Variants in PLIN2 observed in about 807,000 individuals in gnomAD.
PLIN2 encodes perilipin 2.
Under a neutral mutation model 30.6 loss-of-function variants are expected in PLIN2, and 33 were observed. The ratio of observed to expected loss-of-function variants is 1.08; its 90% CI spans 0.82 to 1.44. The LOEUF is 1.44. PLIN2 is among the 40% of genes most tolerant of loss of function. The pLI is 0.00. For missense variants in PLIN2, 610 were observed against 531.8 expected, an observed-to-expected ratio of 1.15 and a Z score of -1.45; for synonymous variants, 205 against 201.1, an observed-to-expected ratio of 1.02 and a Z score of -0.16.
In PLIN2 at chr9:19,121,139, C is replaced by G. The variant is rs1315044614; in HGVS notation, c.336G>C (p.Val112=). The G allele has an allele frequency of 1.2e-6, 2 of 1,614,134 alleles. No individual in the cohort carries two copies. Among genetic ancestry groups the G allele is most frequent in the South Asian group, 1.1e-5 (1 of 91,076 alleles). The change falls in exon 5 of 8, where the codon GTG becomes GTC. Residue 112 remains valine, a synonymous_variant. Coordinates refer to ENST00000276914, the MANE Select transcript of PLIN2 (RefSeq NM_001122.4). ...TQIVANAKGA[V]TGAKDAVTTT... is the part of the protein sequence containing the mutation. ...TCGTCACAGCATCTTTTGCCCCAGT[C>G]ACAGCGCCTTTGGCATTGGCAACAA...
chr9:19,125,224 C>T (rs890241760), intron 3 of PLIN2, among the ~76,000 whole-genome samples: 1 of 152,200 alleles, frequency 6.6e-6, no homozygotes, highest in Non-Finnish European at 1.5e-5. Flanking sequence ...AGTCCATTTA[C>T]AACATTATAC....
Position 19,127,355 on chromosome 9 carries a change from C to T in PLIN2, c.-23+64G>A, listed in dbSNP as rs892744905. ...CCAAGGCCCCGGGGAGCCCCCCACC[C>T]CAACTGGGCGCCGCTGGGGGCCCGG... is the stretch of plus-strand genomic sequence containing the variant. On this transcript the variant is annotated intron_variant, in intron 1 of 7. Coordinates refer to ENST00000276914, the MANE Select transcript of PLIN2 (RefSeq NM_001122.4). The surrounding 1 kb of genome is among the most constrained non-coding windows in gnomAD (Gnocchi z 4.3). 6.6e-6 allele frequency: 1 copy of T among 152,496 alleles called. No homozygotes were observed. The highest frequency in any genetic ancestry group is 1.9e-4 in the East Asian group (1 of 5,160). 9.4% of individuals were successfully genotyped at this position (152,496 alleles called of 1,614,324 possible). A position where few individuals can be genotyped will look rare whatever the true frequency, so the allele number is the denominator to read the frequency against.
At chr9:19,108,769 T>C (rs909512641) in intron 2 of PLIN2, 5 of 152,624 alleles carry the variant, frequency 3.3e-5, no homozygotes, top group African/African-American at 7.2e-5. Flanking sequence ...GAATCTTGGA[T>C]ATTGAAACAA....
chr9:19,119,690 C>A lies in PLIN2; in HGVS notation c.737G>T (p.Ser246Ile), dbSNP rs1343761415. ...ATGGAGCTGAGAAATGGTCTGTTGG[C>A]TTTTTTGCTTAGCTTCTTTAACCCT... Reference protein sequence around the residue: ...LSRVKEAKQKSQQTISQLHST... With the variant: ...LSRVKEAKQKIQQTISQLHST... Residue 246 changes from serine (S) to isoleucine (I), a missense_variant, in exon 6 of 8, where the codon AGC (serine) becomes ATC (isoleucine). Ser to Ile is a moderately radical substitution (Grantham distance 142). Transcript: ENST00000276914. 1.2e-6 allele frequency: 2 copies of A among 1,607,938 alleles called. No individual in the cohort carries two copies. Among genetic ancestry groups the A allele is most frequent in the African/African-American group, 1.3e-5 (1 of 74,750 alleles).
intron 3 of PLIN2, 36 bp from the exon 4 acceptor site, chr9:19,123,683 T>A (rs1343586653): frequency 6.5e-7 from 1 of 1,545,838 alleles, no homozygotes; most frequent in South Asian, 1.1e-5. Flanking sequence ...AATGTAGTAC[T>A]ATAGGTATAG....
chr9:19,110,107 T>C (rs1388377614), intron 2 of PLIN2, among the ~76,000 whole-genome samples: 1 of 152,130 alleles, frequency 6.6e-6, no homozygotes, highest in African/African-American at 2.4e-5. Context: ...GTCTGCAACC[T>C]CAGCCTCCCA....
chr9:19,111,173 T>G (rs934379514), downstream of PLIN2, among the ~76,000 whole-genome samples: 2 of 152,016 alleles, frequency 1.3e-5, no homozygotes, highest in African/African-American at 4.8e-5. Flanking sequence ...TTCTTATGCC[T>G]CAGTAGCTTG....
downstream of PLIN2, among the ~76,000 whole-genome samples, chr9:19,110,961 G>C (rs185178932): frequency 5.9e-5 from 9 of 152,196 alleles, no homozygotes; most frequent in African/African-American, 1.9e-4. Flanking sequence ...AAAAACATGA[G>C]AAGAATCTCA....
downstream of PLIN2, among the ~76,000 whole-genome samples, chr9:19,114,928 T>C (rs752108798): frequency 6.6e-6 from 1 of 152,210 alleles, no homozygotes; most frequent in Non-Finnish European, 1.5e-5. Flanking sequence ...CAACAACAAC[T>C]GAGGTTAGTG....
Position 19,118,759 on chromosome 9 carries a change from C to A in PLIN2, c.778-304G>T, listed in dbSNP as rs567220132. 7.2e-5 allele frequency among the ~76,000 whole-genome samples: 11 copies of A among 152,312 alleles called. No individual in the cohort carries two copies. In the South Asian group the frequency reaches 2.3e-3, roughly 32 times the overall value. On this transcript the variant is annotated intron_variant, in intron 6 of 7. Transcript: ENST00000276914. ...TTTGAGTGTCACTCTGTCACCCAGG[C>A]TGAAGTACAGTGGCGCGATCACAGC...
At chr9:19,114,322 A>G (rs975249231), downstream of PLIN2, among the ~76,000 whole-genome samples, 3 of 152,136 alleles carry the variant, frequency 2.0e-5, no homozygotes, top group Non-Finnish European at 4.4e-5. Flanking sequence ...GAAAGAGACT[A>G]ATTTGAGTTA....
chr9:19,120,541 G>A (rs1291773121), intron 5 of PLIN2, among the ~76,000 whole-genome samples: 1 of 152,148 alleles, frequency 6.6e-6, no homozygotes, highest in African/African-American at 2.4e-5. Flanking sequence ...ATTGCTTTAG[G>A]AAGGAAAATC....
At chr9:19,124,905 G>A (rs889214603) in intron 3 of PLIN2, among the ~76,000 whole-genome samples, 1 of 152,170 alleles carries the variant, frequency 6.6e-6, no homozygotes, top group Non-Finnish European at 1.5e-5. Flanking sequence ...AAGAGATGAA[G>A]TACTGATATG....
At position 19,116,198 on chromosome 9, in the gene PLIN2, A is replaced by T; in HGVS notation, c.*50T>A. ...CCTAGCAAGTTAATTTCAACATAAC[A>T]AAAGGTGTCATCTGTCTGGCCACAG... On this transcript the variant is annotated 3_prime_UTR_variant, in exon 8 of 8. Transcript: ENST00000276914. 6.7e-7 allele frequency: 1 copy of T among 1,498,112 alleles called. No individual in the cohort carries two copies. Among genetic ancestry groups the T allele is most frequent in the Non-Finnish European group, 8.9e-7 (1 of 1,120,258 alleles). 92.8% of individuals were successfully genotyped at this position (1,498,112 alleles called of 1,614,324 possible). A position where few individuals can be genotyped will look rare whatever the true frequency, so the allele number is the denominator to read the frequency against.
rs1336912675 is a variant in PLIN2 at position 19,116,491 on chromosome 9, G to C, written c.1071C>G (p.Phe357Leu). The change falls in exon 8 of 8, where the codon TTC (phenylalanine) becomes TTG (leucine). Residue 357 changes from phenylalanine to leucine, a missense_variant. Transcript: ENST00000276914. ...CTTCTTTAAAGGAGGCAGCATTGCGGAACACTGAGTAGATGTCGCCTGCCA... is the reference window on the plus strand; with the variant it reads ...CTTCTTTAAAGGAGGCAGCATTGCGCAACACTGAGTAGATGTCGCCTGCCA... ...GVMAGDIYSV[F>L]RNAASFKEVS... 1.9e-6 allele frequency: 3 copies of C among 1,614,042 alleles called. No homozygotes were observed. Among genetic ancestry groups the C allele is most frequent in the Admixed American group, 1.7e-5 (1 of 59,982 alleles).
At chr9:19,108,526 C>T (rs1818120610) in exon 3 of PLIN2, 1 of 152,720 alleles carries the variant, frequency 6.5e-6, no homozygotes, top group East Asian at 1.9e-4. Flanking sequence ...TAGATTAACA[C>T]TCTTCAAAGT....
chr9:19,123,380 T>C, intron 4 of PLIN2, 185 bp downstream of exon 4: 1 of 1,551,288 alleles, frequency 6.4e-7, no homozygotes, highest in Non-Finnish European at 8.7e-7. Flanking sequence ...TCTTCTCTGC[T>C]TCGTAGATAC....
At chr9:19,125,396 T>C (rs1232241329) in intron 3 of PLIN2, 1 of 151,966 alleles carries the variant, frequency 6.6e-6, no homozygotes, top group East Asian at 1.9e-4. Flanking sequence ...CTACTAAAAA[T>C]ACAAAATTAG....
chr9:19,120,731 T>G (rs1588645221), intron 5 of PLIN2, 149 bp downstream of exon 5: 2 of 631,808 alleles, frequency 3.2e-6, no homozygotes, highest in East Asian at 2.7e-5. Flanking sequence ...CATGAGGATC[T>G]TTTGGGGTAG....
Sources: gnomAD v4.1 joint callset for allele counts (sites outside exome capture counted in the v4.1 genomes callset) on GRCh38, gnomAD v4.1.1 for gene constraint, Gnocchi (gnomAD v3.1) non-coding constraint, MANE v1.5 for transcripts, NCBI Gene and HGNC (gene_info 2026-07-23, HGNC 2026-07-21) for gene names.